The following CLSTN2 variants were observed in gnomAD, a reference collection of about 807,000 sequenced individuals.
CLSTN2 encodes the protein calsyntenin 2, also known as calsyntenin-2.
CLSTN2 carries 48 observed loss-of-function variants against 101.2 expected under a neutral mutation model. The observed-to-expected ratio is 0.47, with a 90% CI of 0.38 to 0.60. The LOEUF (loss-of-function observed/expected upper bound fraction) is 0.60. Ranked by LOEUF, CLSTN2 falls within the 20% of genes least tolerant of loss-of-function variation. The pLI, the probability that CLSTN2 is intolerant of heterozygous loss-of-function variation, is 0.00. For synonymous variants in CLSTN2, 481 were observed against 463.6 expected (o/e 1.04, Z -0.48); for missense variants, 1,160 against 1,238.2 (o/e 0.94, Z 0.95).
intron 2 of CLSTN2, among the ~76,000 whole-genome samples, chr3:140,278,613 A>C (rs183908516): frequency 6.6e-6 from 1 of 152,324 alleles, no homozygotes; most frequent in East Asian, 1.9e-4. Context: ...CCTGGAGGGG[A>C]AGATGGCACA....
intron 1 of CLSTN2, among the ~76,000 whole-genome samples, chr3:140,033,256 C>T (rs542410824): frequency 2.6e-5 from 4 of 152,128 alleles, no homozygotes; most frequent in Admixed American, 6.5e-5. Flanking sequence ...AGGATCAACC[C>T]GCTTCATTAG....
intron 2 of CLSTN2, among the ~76,000 whole-genome samples, chr3:140,345,245 C>CTTTTTTTTTTTTTTTTTTTTTTTT (rs569774722): frequency 7.4e-6 from 1 of 135,992 alleles, no homozygotes; most frequent in African/African-American, 2.7e-5. Flanking sequence ...TGGATATAGC[C>CTTTTTTTTTTTTTTTTTTTTTTTT]TTTTTTTCTT....
chr3:140,447,446 G>C (rs896682286), intron 5 of CLSTN2, among the ~76,000 whole-genome samples: 7 of 152,200 alleles, frequency 4.6e-5, no homozygotes, highest in African/African-American at 1.7e-4. Context: ...AGGTGCTGCT[G>C]TTATTATATC....
chr3:139,968,918 C>A (rs2107817990), intron 1 of CLSTN2, among the ~76,000 whole-genome samples: 2 of 152,226 alleles, frequency 1.3e-5, no homozygotes, highest in East Asian at 1.9e-4. Flanking sequence ...TAACTTTAAG[C>A]TATAAAAGAC....
chr3:140,335,199 C>T (rs994032011), intron 2 of CLSTN2, among the ~76,000 whole-genome samples: 5 of 152,198 alleles, frequency 3.3e-5, no homozygotes, highest in African/African-American at 1.2e-4. Flanking sequence ...TGATGAAAAT[C>T]CAAGCATGGG....
chr3:140,524,681 A>G (rs1366586551), intron 8 of CLSTN2, among the ~76,000 whole-genome samples: 1 of 152,192 alleles, frequency 6.6e-6, no homozygotes, highest in Non-Finnish European at 1.5e-5. Context: ...AAGATCAATC[A>G]CATGCTCAGT....
At chr3:140,138,824 CTA>C (rs1246852557) in intron 1 of CLSTN2, among the ~76,000 whole-genome samples, 1 of 152,098 alleles carries the variant, frequency 6.6e-6, no homozygotes, top group Non-Finnish European at 1.5e-5. Flanking sequence ...TAGTGTTGAG[CTA>C]TTTTGTTGTG....
intron 2 of CLSTN2, among the ~76,000 whole-genome samples, chr3:140,217,256 G>C (rs2010932747): frequency 6.3e-5 from 1 of 15,878 alleles, no homozygotes; most frequent in African/African-American, 6.8e-5. Flanking sequence ...TAAAAGCACA[G>C]GTTTATTTCA....
chr3:140,213,834 C>G (rs964134435), intron 2 of CLSTN2, among the ~76,000 whole-genome samples: 2 of 152,078 alleles, frequency 1.3e-5, no homozygotes, highest in Non-Finnish European at 2.9e-5. Flanking sequence ...CAGCCCTGCT[C>G]TGTATCAGTG....
intron 5 of CLSTN2, among the ~76,000 whole-genome samples, chr3:140,436,186 AT>A (rs2088685782): frequency 6.6e-6 from 1 of 152,082 alleles, no homozygotes; most frequent in South Asian, 2.1e-4. Context: ...ATTTTTCCCA[AT>A]GTTTTCTGAT....
intron 2 of CLSTN2, among the ~76,000 whole-genome samples, chr3:140,205,628 C>CCCCT (rs1491325904): frequency 8.9e-6 from 1 of 112,906 alleles, no homozygotes; most frequent in Non-Finnish European, 1.9e-5. Flanking sequence ...GCCCCCCACC[C>CCCCT]ACACACACAC....
At chr3:140,420,961 G>A (rs938938944) in intron 4 of CLSTN2, among the ~76,000 whole-genome samples, 164 bp from the exon 5 acceptor site, 1 of 152,244 alleles carries the variant, frequency 6.6e-6, no homozygotes, top group Non-Finnish European at 1.5e-5. Flanking sequence ...GCATAAGCAC[G>A]CTACAAGTGG....
chr3:140,136,043 A>G (rs920422311), intron 1 of CLSTN2, among the ~76,000 whole-genome samples: 3 of 152,176 alleles, frequency 2.0e-5, no homozygotes, highest in Non-Finnish European at 4.4e-5. Flanking sequence ...TTTCATTCTT[A>G]ATGAGCAGTT....
rs1173198830 is a variant in CLSTN2, at chr3:140,022,699, G to A, written c.109+87216G>A. Among the ~76,000 whole-genome samples, 2 of 152,172 alleles carry A rather than the reference G, an allele frequency of 1.3e-5. 1 individual carries two copies. The highest frequency in any genetic ancestry group is 2.9e-5 in the Non-Finnish European group (2 of 68,034). ...TGTGGAGAATGGGATGGAGGTGGGGGTGGTGGGCAAGTTTTATGTAATAGT... is the reference window on the plus strand; with the variant it reads ...TGTGGAGAATGGGATGGAGGTGGGGATGGTGGGCAAGTTTTATGTAATAGT... On this transcript the variant is annotated intron_variant, in intron 1 of 16. Transcript: ENST00000458420.
At chr3:140,094,891 C>T (rs1182402217) in intron 1 of CLSTN2, among the ~76,000 whole-genome samples, 2 of 152,188 alleles carry the variant, frequency 1.3e-5, no homozygotes, top group South Asian at 2.1e-4. Flanking sequence ...CCGTAAATTA[C>T]GTTATAATAC....
At chr3:140,365,348 G>A (rs921958990) in intron 2 of CLSTN2, among the ~76,000 whole-genome samples, 2 of 152,060 alleles carry the variant, frequency 1.3e-5, no homozygotes, top group Admixed American at 1.3e-4. Context: ...CAGAGGTGGC[G>A]TGCTAGGAGA....
intron 2 of CLSTN2, among the ~76,000 whole-genome samples, chr3:140,389,938 A>G (rs923452490): frequency 6.6e-6 from 1 of 152,148 alleles, no homozygotes; most frequent in African/African-American, 2.4e-5. Context: ...GTATTAGGGT[A>G]ATGCTAGCCT....
chr3:140,370,088 A>G (rs1451885475), intron 2 of CLSTN2, among the ~76,000 whole-genome samples: 2 of 152,220 alleles, frequency 1.3e-5, no homozygotes, highest in Non-Finnish European at 2.9e-5. Context: ...AGGTGAGAGG[A>G]CGTGTGAACA....
intron 2 of CLSTN2, among the ~76,000 whole-genome samples, chr3:140,242,317 C>T (rs1387105005): frequency 1.3e-5 from 2 of 152,172 alleles, no homozygotes; most frequent in East Asian, 3.9e-4. Context: ...TTGTTAAATA[C>T]ATCCCCAATA....
Sources: gnomAD v4.1 joint callset for allele counts (sites outside exome capture counted in the v4.1 genomes callset) on GRCh38, gnomAD v4.1.1 for gene constraint, MANE v1.5 for transcripts, NCBI Gene and HGNC (gene_info 2026-07-23, HGNC 2026-07-21) for gene names.